Variants in ZFAT observed in about 807,000 individuals in gnomAD.
The protein encoded by ZFAT is zinc finger and AT-hook domain containing.
ZFAT carries 64 observed loss-of-function variants against 117.7 expected under a neutral mutation model. That is an observed-to-expected ratio of 0.54 (90% CI 0.44 to 0.67). ZFAT has a LOEUF of 0.67. Ranked by LOEUF, ZFAT falls within the 30% of genes least tolerant of loss-of-function variation. The probability of loss-of-function intolerance (pLI) is 0.00; values close to 1 mark genes in which losing one functional copy is unlikely to be tolerated. For synonymous variants in ZFAT, 679 were observed against 615.0 expected (o/e 1.10, Z -1.54); for missense variants, 1,433 against 1,584.5 (o/e 0.90, Z 1.62).
the ZFAT span, among the ~76,000 whole-genome samples, chr8:134,747,327 T>A: frequency 1.3e-5 from 2 of 152,106 alleles, no homozygotes; most frequent in African/African-American, 4.8e-5. Flanking sequence ...TGGACTCAAA[T>A]GATCCTCCCA....
intron 15 of ZFAT, among the ~76,000 whole-genome samples, chr8:134,489,535 T>C (rs1817905322): frequency 6.6e-6 from 1 of 152,076 alleles, no homozygotes; most frequent in African/African-American, 2.4e-5. Flanking sequence ...CACAGCTCCC[T>C]CCTCAGCGTC....
At chr8:134,669,183 A>G (rs993869807) in intron 1 of ZFAT, among the ~76,000 whole-genome samples, 2 of 152,344 alleles carry the variant, frequency 1.3e-5, no homozygotes, top group Non-Finnish European at 1.5e-5. Context: ...ACTCTGCAGG[A>G]TATTATCCAG....
chr8:134,554,086 C>T (rs1389677964), intron 11 of ZFAT, among the ~76,000 whole-genome samples: 2 of 152,216 alleles, frequency 1.3e-5, no homozygotes, highest in African/African-American at 2.4e-5. Context: ...GGACTCTCTC[C>T]TCGTGACTCT....
Position 134,478,649 on chromosome 8 carries a change from G to T in ZFAT, c.3565C>A (p.Leu1189Ile). 1.3e-6 allele frequency: 2 copies of T among 1,583,618 alleles called. No homozygotes were observed. Among genetic ancestry groups the T allele is most frequent in the Non-Finnish European group, 1.7e-6 (2 of 1,165,440 alleles). ...QETVQQASVELAEQHHLVVSS... is the reference protein window; with the variant it reads ...QETVQQASVEIAEQHHLVVSS... ...ACCACCAGGTGGTGCTGCTCGGCAA[G>T]CTCCACGGACGCTTGCTGGACCGTC... The change falls in exon 16 of 16, where the codon CTT becomes ATT. Residue 1189 changes from leucine (L) to isoleucine (I), a missense_variant. This residue lies in a region of ZFAT where 503 missense variants were observed against 543.4 expected (regional missense o/e 0.93). Coordinates refer to ENST00000377838, the MANE Select transcript of ZFAT (RefSeq NM_020863.4). The surrounding 1 kb of genome is among the most constrained non-coding windows in gnomAD (Gnocchi z 5.2).
In ZFAT at chr8:134,593,042, G is replaced by T. The variant is rs535964758; in HGVS notation, c.2476-2687C>A. ...CACCACAGGCTCAGGGCTCCTCAGA[G>T]CACTCCTGTCACTGTCCTCCTCTGC... On this transcript the variant is annotated intron_variant, in intron 7 of 15. Coordinates refer to ENST00000377838, the MANE Select transcript of ZFAT (RefSeq NM_020863.4). 5.9e-5 allele frequency among the ~76,000 whole-genome samples: 9 copies of T among 152,262 alleles called. No homozygotes were observed. The South Asian group carries it at 1.9e-3, about 32-fold the overall frequency.
intron 10 of ZFAT, among the ~76,000 whole-genome samples, chr8:134,578,565 G>A (rs1310294853): frequency 1.3e-5 from 2 of 152,126 alleles, no homozygotes; most frequent in African/African-American, 2.4e-5. Flanking sequence ...TAGACAGGAG[G>A]GTTCTGAACA....
rs78879403 is a variant in ZFAT, at chr8:134,564,557, C to T, written c.2976+776G>A. On this transcript the variant is annotated intron_variant, in intron 11 of 15. Coordinates refer to ENST00000377838, the MANE Select transcript of ZFAT (RefSeq NM_020863.4). ...GGACAAAACAGATGCCCTGCAGTCC[C>T]TCCCATGTTCTATGATTCTCTGGGA... 7.1e-3 allele frequency among the ~76,000 whole-genome samples: 1,080 copies of T among 152,338 alleles called. 13 individuals carry two copies. The highest frequency in any genetic ancestry group is 0.025 in the African/African-American group (1,052 of 41,570).
At chr8:134,549,132 G>A (rs1434109951) in intron 11 of ZFAT, among the ~76,000 whole-genome samples, 4 of 152,044 alleles carry the variant, frequency 2.6e-5, no homozygotes, top group African/African-American at 4.8e-5. Context: ...GCTGACAGAC[G>A]GAAATGTTTC....
At chr8:134,501,706 C>T (rs1461568698) in intron 15 of ZFAT, among the ~76,000 whole-genome samples, 1 of 152,144 alleles carries the variant, frequency 6.6e-6, no homozygotes, top group Non-Finnish European at 1.5e-5. Context: ...GAAAAGCCAG[C>T]CAGTGACTCT....
chr8:134,496,074 G>A (rs539777168), intron 15 of ZFAT, among the ~76,000 whole-genome samples: 91 of 152,344 alleles, frequency 6.0e-4, no homozygotes, highest in African/African-American at 2.1e-3. Context: ...TACATGCACA[G>A]TAAGAGGAAA....
chr8:134,685,915 C>T (rs1404142735), intron 1 of ZFAT, among the ~76,000 whole-genome samples: 1 of 152,220 alleles, frequency 6.6e-6, no homozygotes, highest in Non-Finnish European at 1.5e-5. Flanking sequence ...GGCTGCTGTT[C>T]CCATCTTAAG....
intron 1 of ZFAT, among the ~76,000 whole-genome samples, chr8:134,666,996 T>C (rs971091451): frequency 5.9e-5 from 9 of 152,146 alleles, no homozygotes; most frequent in African/African-American, 2.2e-4. Context: ...GGGACATGGA[T>C]GAAGGTGGAA....
rs759814992 is a variant in ZFAT at position 134,601,775 on chromosome 8, A to G, written c.1944T>C (p.His648=). Residue 648 remains histidine, a synonymous_variant, in exon 6 of 16, where the codon CAT becomes CAC. Coordinates refer to ENST00000377838, the MANE Select transcript of ZFAT (RefSeq NM_020863.4). The part of the protein sequence containing the change: ...AQSAGSDQES[H]GAQSPLGEGQ... Reference sequence around the variant, plus strand: ...CTTCCCCTAGGGGGCTCTGGGCGCCATGGCTTTCCTGATCTGACCCAGCAC... The same window carrying G: ...CTTCCCCTAGGGGGCTCTGGGCGCCGTGGCTTTCCTGATCTGACCCAGCAC... The G allele has an allele frequency of 1.2e-6, 2 of 1,613,938 alleles. No individual in the cohort carries two copies. Among genetic ancestry groups the G allele is most frequent in the East Asian group, 2.2e-5 (1 of 44,868 alleles).
the ZFAT span, among the ~76,000 whole-genome samples, chr8:134,754,743 C>T: frequency 3.3e-5 from 5 of 152,230 alleles, no homozygotes; most frequent in African/African-American, 9.6e-5. Context: ...TCTGAATAGG[C>T]CCTGAGCCCA....
At chr8:134,521,025 A>G in intron 12 of ZFAT, 24 bp from the exon 13 acceptor site, 1 of 1,575,762 alleles carries the variant, frequency 6.3e-7, no homozygotes, top group Non-Finnish European at 8.7e-7. Flanking sequence ...CAGAGGTTAA[A>G]AAAAAAATGT....
chr8:134,658,163 T>C (rs184578156), intron 1 of ZFAT, among the ~76,000 whole-genome samples: 8 of 152,044 alleles, frequency 5.3e-5, no homozygotes, highest in African/African-American at 1.7e-4. Flanking sequence ...TGGTGAAATC[T>C]CGTCTCTACT....
intron 3 of ZFAT, among the ~76,000 whole-genome samples, chr8:134,619,560 G>A (rs1045437688): frequency 6.6e-6 from 1 of 152,154 alleles, no homozygotes; most frequent in African/African-American, 2.4e-5. Flanking sequence ...CCCCTAGATG[G>A]ATGTAAGTTC....
At chr8:134,563,164 A>T (rs1043882009) in intron 11 of ZFAT, among the ~76,000 whole-genome samples, 1 of 152,212 alleles carries the variant, frequency 6.6e-6, no homozygotes, top group African/African-American at 2.4e-5. Context: ...AACGCTAAAG[A>T]CGCTTCTTGA....
intron 5 of ZFAT, among the ~76,000 whole-genome samples, chr8:134,608,008 A>C (rs1828022077): frequency 1.3e-5 from 2 of 152,364 alleles, no homozygotes; most frequent in East Asian, 3.8e-4. Flanking sequence ...AAAGATGTAT[A>C]CACCAAAACA....
Sources: allele counts gnomAD v4.1 joint callset (sites outside exome capture counted in the v4.1 genomes callset), GRCh38; gene constraint gnomAD v4.1.1; regional missense constraint gnomAD v4.1.1; non-coding constraint Gnocchi (gnomAD v3.1); transcripts MANE v1.5; gene names NCBI Gene and HGNC (gene_info 2026-07-23, HGNC 2026-07-21).